MAGI3: variants seen among roughly 807,000 people sequenced by gnomAD.
MAGI3 encodes membrane associated guanylate kinase, WW and PDZ domain containing 3, also known as membrane-associated guanylate kinase, WW and PDZ domain-containing protein 3.
MAGI3 carries 43 observed loss-of-function variants against 121.8 expected under a neutral mutation model. The observed-to-expected ratio is 0.35, with a 90% CI of 0.28 to 0.46. MAGI3 has a LOEUF of 0.46. MAGI3 is among the 20% of genes least tolerant of loss of function. MAGI3 has a pLI of 1.00. For synonymous variants in MAGI3, 553 were observed against 639.3 expected, an observed-to-expected ratio of 0.86 and a Z score of 2.04; for missense variants, 1,547 against 1,797.3, an observed-to-expected ratio of 0.86 and a Z score of 2.52.
intron 6 of MAGI3, among the ~76,000 whole-genome samples, chr1:113,606,266 C>T (rs1194222609): frequency 1.3e-5 from 2 of 152,014 alleles, no homozygotes; most frequent in Non-Finnish European, 2.9e-5. Context: ...CATGCCCAGC[C>T]CAAGAAATAA....
At chr1:113,516,093 G>A (rs1370705313) in intron 1 of MAGI3, among the ~76,000 whole-genome samples, 1 of 151,990 alleles carries the variant, frequency 6.6e-6, no homozygotes, top group Non-Finnish European at 1.5e-5. Context: ...ATCTCCAACA[G>A]AAGAGTGAAC....
chr1:113,641,755 G>A (rs1557869590), intron 9 of MAGI3, among the ~76,000 whole-genome samples, 156 bp from the exon 10 acceptor site: 1 of 152,072 alleles, frequency 6.6e-6, no homozygotes. Flanking sequence ...TTAGAAAAGG[G>A]AGAAGGTCTG....
chr1:113,600,258 A>G (rs909784384), intron 6 of MAGI3, among the ~76,000 whole-genome samples: 10 of 152,190 alleles, frequency 6.6e-5, no homozygotes, highest in Non-Finnish European at 4.4e-5. Context: ...ACGGTATTCA[A>G]TTAGGAAAAG....
At chr1:113,677,639 C>T (rs183658465) in intron 19 of MAGI3, among the ~76,000 whole-genome samples, 144 of 152,242 alleles carry the variant, frequency 9.5e-4, no homozygotes, top group African/African-American at 3.3e-3. Context: ...GTTTTTAAAA[C>T]GACAAGACTG....
intron 1 of MAGI3, among the ~76,000 whole-genome samples, chr1:113,447,613 G>A (rs1045685692): frequency 3.3e-5 from 5 of 152,210 alleles, no homozygotes; most frequent in African/African-American, 1.2e-4. Flanking sequence ...CAGCACTTTG[G>A]GAGGCTGAGG....
intron 20 of MAGI3, chr1:113,682,118 GT>G (rs1395990255): frequency 7.4e-7 from 1 of 1,347,252 alleles, no homozygotes; most frequent in Non-Finnish European, 1.0e-6. Flanking sequence ...CCATCTGCTT[GT>G]AAATCATATG....
Position 113,672,730 on chromosome 1 carries a change from C to A in MAGI3, c.3034C>A (p.Arg1012=). Reference sequence around the variant, plus strand: ...CGCAGTAATTTCAGTTGTAGGCAGTCGGCACAATCAGGTAAACAAACATTT... The same window carrying A: ...CGCAGTAATTTCAGTTGTAGGCAGTAGGCACAATCAGGTAAACAAACATTT... The part of the protein sequence containing the change: ...DTAVISVVGS[R]HNQNLGCYPV... The change falls in exon 18 of 21, where the codon CGG becomes AGG. Residue 1012 remains arginine, a synonymous_variant. Transcript: ENST00000307546. 1 of 1,611,100 alleles carries A rather than the reference C, an allele frequency of 6.2e-7. No homozygotes were observed. The highest frequency in any genetic ancestry group is 1.1e-5 in the South Asian group (1 of 90,412).
At chr1:113,560,329 T>C (rs1432612452) in intron 2 of MAGI3, among the ~76,000 whole-genome samples, 1 of 152,010 alleles carries the variant, frequency 6.6e-6, no homozygotes, top group Admixed American at 6.6e-5. Context: ...TGAGCTGAGA[T>C]TGTGCCACTG....
At chr1:113,421,633 A>C (rs1266054264) in intron 1 of MAGI3, among the ~76,000 whole-genome samples, 1 of 152,194 alleles carries the variant, frequency 6.6e-6, no homozygotes, top group Non-Finnish European at 1.5e-5. Flanking sequence ...ATTTTAATAA[A>C]TGTTATGTGA....
At chr1:113,643,701 T>C (rs771728927) in intron 10 of MAGI3, 42 bp from the exon 11 acceptor site, 362 of 1,597,052 alleles carry the variant, frequency 2.3e-4, no homozygotes, top group Middle Eastern at 1.7e-4. Flanking sequence ...GATCTGGGAA[T>C]GCATCCTCTG....
chr1:113,415,420 T>C (rs1652246307), intron 1 of MAGI3, among the ~76,000 whole-genome samples: 1 of 152,078 alleles, frequency 6.6e-6, no homozygotes, highest in African/African-American at 2.4e-5. Flanking sequence ...TTCAGAGGTT[T>C]GTGTATACCA....
intron 20 of MAGI3, 35 bp from the exon 21 acceptor site, chr1:113,682,862 A>G: frequency 6.6e-7 from 1 of 1,510,442 alleles, no homozygotes; most frequent in Non-Finnish European, 8.8e-7. Context: ...GTAATTCTAA[A>G]ATTTAATAAT....
intron 9 of MAGI3, among the ~76,000 whole-genome samples, chr1:113,630,365 T>A (rs938476424): frequency 1.1e-4 from 16 of 152,112 alleles, no homozygotes; most frequent in African/African-American, 3.6e-4. Context: ...TGGGCTCTCC[T>A]CTGATCCAGA....
Position 113,619,828 on chromosome 1 carries a change from C to T in MAGI3, c.1169C>T (p.Pro390Leu). Reference sequence around the variant, plus strand: ...CAGGTTGAAATTGGGTCTTCAAAACCAGGTAAGCATTCTTTTCAATCTTTT... The same window carrying T: ...CAGGTTGAAATTGGGTCTTCAAAACTAGGTAAGCATTCTTTTCAATCTTTT... ...LGQVEIGSSK[P>L]DMEKSHFTRD... Residue 390 changes from proline (P) to leucine (L), a missense_variant and splice_region_variant, in exon 8 of 21, where the codon CCA (proline) becomes CTA (leucine). Transcript: ENST00000307546. 6.2e-7 allele frequency: 1 copy of T among 1,600,738 alleles called. No homozygotes were observed. The highest frequency in any genetic ancestry group is 8.6e-7 in the Non-Finnish European group (1 of 1,169,264).
intron 1 of MAGI3, among the ~76,000 whole-genome samples, chr1:113,542,477 G>A (rs992593482): frequency 1.3e-5 from 2 of 152,204 alleles, no homozygotes; most frequent in East Asian, 1.9e-4. Flanking sequence ...AAGACAAAAC[G>A]TTAGATAAAG....
chr1:113,635,652 A>G (rs1160624625), intron 9 of MAGI3, among the ~76,000 whole-genome samples: 1 of 151,862 alleles, frequency 6.6e-6, no homozygotes, highest in Non-Finnish European at 1.5e-5. Context: ...GGATTTTTGC[A>G]TCAATGTTCA....
At chr1:113,614,134 A>G (rs183663434) in intron 6 of MAGI3, among the ~76,000 whole-genome samples, 2 of 152,306 alleles carry the variant, frequency 1.3e-5, no homozygotes, top group Admixed American at 6.5e-5. Flanking sequence ...AAGCAAATCT[A>G]GATTGCTCAC....
intron 1 of MAGI3, among the ~76,000 whole-genome samples, chr1:113,456,659 A>G (rs762180721): frequency 3.3e-5 from 5 of 152,230 alleles, no homozygotes; most frequent in Admixed American, 2.0e-4. Context: ...TCTTAATGCC[A>G]CAAAAGAGTT....
intron 2 of MAGI3, among the ~76,000 whole-genome samples, chr1:113,550,455 A>G (rs1237129949): frequency 1.3e-5 from 2 of 151,694 alleles, no homozygotes; most frequent in Non-Finnish European, 2.9e-5. Context: ...GGAAGATTCT[A>G]TATTGTGAGT....
Sources: gnomAD v4.1 joint callset for allele counts (sites outside exome capture counted in the v4.1 genomes callset) on GRCh38, gnomAD v4.1.1 for gene constraint, MANE v1.5 for transcripts, NCBI Gene and HGNC (gene_info 2026-07-23, HGNC 2026-07-21) for gene names.